The following BACE2 variants were observed in gnomAD, a reference collection of about 807,000 sequenced individuals.
BACE2 encodes the protein beta-secretase 2, also known as 56 kDa aspartic-like protease.
In BACE2, 17 loss-of-function variants were observed where a neutral mutation model predicts 46.2. That is an observed-to-expected ratio of 0.37 (90% confidence interval 0.25 to 0.55). BACE2 has a LOEUF of 0.55. Among genes scored for constraint, BACE2 ranks in the 20% least tolerant of loss-of-function variants. The pLI, the probability that BACE2 is intolerant of heterozygous loss-of-function variation, is 0.82. For missense variants in BACE2, 595 were observed against 698.1 expected (o/e 0.85, Z 1.66); for synonymous variants, 277 against 295.9 (o/e 0.94, Z 0.66).
intron 1 of BACE2, among the ~76,000 whole-genome samples, chr21:41,221,273 C>T (rs1448979850): frequency 2.0e-5 from 3 of 152,124 alleles, no homozygotes; most frequent in African/African-American, 4.8e-5. Context: ...CCAGGACTGT[C>T]GTTCATTCCT....
chr21:41,212,271 C>T (rs147690418), intron 1 of BACE2, among the ~76,000 whole-genome samples: 78 of 152,294 alleles, frequency 5.1e-4, no homozygotes, highest in Non-Finnish European at 7.9e-4. Context: ...AAGGGATGAG[C>T]GAGCGCTCTC....
intron 1 of BACE2, among the ~76,000 whole-genome samples, chr21:41,216,717 G>T (rs1404648747): frequency 6.6e-6 from 1 of 152,334 alleles, no homozygotes; most frequent in East Asian, 1.9e-4. Context: ...TGTGTGGAGG[G>T]CAAGTCTTGT....
At chr21:41,232,819 C>T (rs1330899633) in intron 2 of BACE2, among the ~76,000 whole-genome samples, 1 of 152,184 alleles carries the variant, frequency 6.6e-6, no homozygotes, top group Non-Finnish European at 1.5e-5. Context: ...GAATTATTCA[C>T]CCTTGGGTAT....
At chr21:41,172,119 T>G (rs567152469) in intron 1 of BACE2, among the ~76,000 whole-genome samples, 1 of 152,244 alleles carries the variant, frequency 6.6e-6, no homozygotes, top group East Asian at 1.9e-4. Context: ...GGTAAACTAT[T>G]AAAGACAATG....
chr21:41,213,000 G>A (rs952743738), intron 1 of BACE2, among the ~76,000 whole-genome samples: 8 of 152,068 alleles, frequency 5.3e-5, no homozygotes, highest in African/African-American at 9.7e-5. Context: ...AACTTTCTCC[G>A]GCTACTTCCA....
intron 1 of BACE2, chr21:41,225,772 G>A (rs1986798395): frequency 6.5e-6 from 1 of 154,160 alleles, no homozygotes; most frequent in African/African-American, 2.4e-5. Context: ...GCTTGTGACA[G>A]GTGTGCCCAG....
intron 1 of BACE2, among the ~76,000 whole-genome samples, chr21:41,190,622 AT>A (rs929882615): frequency 2.0e-5 from 3 of 151,596 alleles, no homozygotes; most frequent in East Asian, 3.9e-4. Flanking sequence ...GCAGGTTGTG[AT>A]TTTTTTTTCC....
intron 1 of BACE2, among the ~76,000 whole-genome samples, chr21:41,189,848 A>C (rs969503082): frequency 6.6e-6 from 1 of 152,218 alleles, no homozygotes; most frequent in Non-Finnish European, 1.5e-5. Context: ...TTACACAATC[A>C]CAAGATCCCA....
Position 41,168,319 on chromosome 21 carries a change from G to A in BACE2, c.56G>A (p.Arg19His), listed in dbSNP as rs1239942768. 7.5e-7 allele frequency: 1 copy of A among 1,334,466 alleles called. No homozygotes were observed. The highest frequency in any genetic ancestry group is 1.5e-5 in the African/African-American group (1 of 65,024). The allele number at this position is 1,334,466 out of a possible 1,614,324, so 82.7% of individuals were successfully genotyped here. ...CCTCTGCTGGCCCAGTGGCTCCTGC[G>A]CGCCGCCCCGGAGCTGGCCCCCGCG... ...LLPLLAQWLL[R>H]AAPELAPAPF... The change falls in exon 1 of 9, where the codon CGC (arginine) becomes CAC (histidine). Residue 19 changes from arginine to histidine, a missense_variant. Physicochemically the swap from Arg to His is conservative, Grantham distance 29. Around this residue, in one of 3 missense-constraint regions of BACE2, gnomAD observed 248 missense variants for 261.4 expected, o/e 0.95. Transcript: ENST00000330333.
At chr21:41,174,062 C>G (rs373380723) in intron 1 of BACE2, among the ~76,000 whole-genome samples, 141 of 150,434 alleles carry the variant, frequency 9.4e-4, no homozygotes, top group Middle Eastern at 3.5e-3. Context: ...GGCTTCACCT[C>G]CCCTTGCCTG....
chr21:41,223,753 A>G (rs1258517780), intron 1 of BACE2, among the ~76,000 whole-genome samples: 1 of 152,194 alleles, frequency 6.6e-6, no homozygotes, highest in Non-Finnish European at 1.5e-5. Context: ...ATCTCAACCC[A>G]TAAAAGATGA....
chr21:41,271,844 GA>G (rs1420603017), intron 8 of BACE2, among the ~76,000 whole-genome samples: 1 of 151,986 alleles, frequency 6.6e-6, no homozygotes, highest in Non-Finnish European at 1.5e-5. Flanking sequence ...TATAATTTTT[GA>G]TTTAATTGAT....
chr21:41,274,661 C>G (rs2088466012), intron 8 of BACE2, among the ~76,000 whole-genome samples: 1 of 152,194 alleles, frequency 6.6e-6, no homozygotes, highest in African/African-American at 2.4e-5. Context: ...TCAAGAGTCT[C>G]TAGCAGAAGT....
chr21:41,218,846 C>A (rs911776306), intron 1 of BACE2, among the ~76,000 whole-genome samples: 4 of 151,298 alleles, frequency 2.6e-5, no homozygotes, highest in African/African-American at 4.9e-5. Flanking sequence ...TGGAGCACCC[C>A]CTGTCCCTTC....
Position 41,257,204 on chromosome 21 carries a change from A to G in BACE2, c.1181A>G (p.Tyr394Cys). 6.2e-7 allele frequency: 1 copy of G among 1,614,202 alleles called. No homozygotes were observed. Residue 394 changes from tyrosine to cysteine, a missense_variant, in exon 8 of 9, where the codon TAC (tyrosine) becomes TGC (cysteine). Physicochemically the swap from Tyr to Cys is radical, Grantham distance 194. Transcript: ENST00000330333. ...MMGAGLNYEC[Y>C]RFGISPSTNA... ...GGGGCCGGCCTGAATTATGAATGTTACCGATTCGGCATTTCCCCATCCACA... is the reference window on the plus strand; with the variant it reads ...GGGGCCGGCCTGAATTATGAATGTTGCCGATTCGGCATTTCCCCATCCACA...
chr21:41,223,367 A>C (rs1224780787), intron 1 of BACE2, among the ~76,000 whole-genome samples: 8 of 147,000 alleles, frequency 5.4e-5, no homozygotes, highest in South Asian at 2.1e-4. Flanking sequence ...AAAAAAAAAA[A>C]CCCCAGGAAT....
chr21:41,250,652 C>A, intron 6 of BACE2, 100 bp from the exon 7 acceptor site: 2 of 1,039,486 alleles, frequency 1.9e-6, no homozygotes. Context: ...CATTGTTTAT[C>A]CCTGTGGGCA....
Position 41,238,877 on chromosome 21 carries a change from G to A in BACE2, c.618+1148G>A, listed in dbSNP as rs535981105. The stretch of plus-strand genomic sequence containing the variant: ...TAGATGACGAGTTAGTGGGCGCAGC[G>A]CACCAGCATGGCACATGTATACATA... On this transcript the variant is annotated intron_variant, in intron 3 of 8. Transcript: ENST00000330333. Among the ~76,000 whole-genome samples the A allele has an allele frequency of 1.2e-3, 173 of 145,606 alleles. 2 individuals are homozygous for A. Among genetic ancestry groups the A allele is most frequent in the Admixed American group, 8.1e-3 (115 of 14,234 alleles).
chr21:41,205,810 G>T (rs139762914), intron 1 of BACE2, among the ~76,000 whole-genome samples: 9 of 152,116 alleles, frequency 5.9e-5, no homozygotes, highest in Non-Finnish European at 1.2e-4. Context: ...CTGGTCTTCC[G>T]TCTTAACATC....
Sources: gnomAD v4.1 joint callset for allele counts (sites outside exome capture counted in the v4.1 genomes callset) on GRCh38, gnomAD v4.1.1 for gene constraint, gnomAD v4.1.1 regional missense constraint, MANE v1.5 for transcripts, NCBI Gene and HGNC (gene_info 2026-07-23, HGNC 2026-07-21) for gene names.